The following CACNA2D3 variants were observed in gnomAD, a reference collection of about 807,000 sequenced individuals.
The protein encoded by CACNA2D3 is calcium voltage-gated channel auxiliary subunit alpha2delta 3.
CACNA2D3 carries 60 observed loss-of-function variants against 160.6 expected under a neutral mutation model. The ratio of observed to expected loss-of-function variants is 0.37; its 90% CI spans 0.30 to 0.46. CACNA2D3 has a LOEUF of 0.46. Ranked by LOEUF, CACNA2D3 falls within the 20% of genes least tolerant of loss-of-function variation. The pLI is 1.00. For missense variants in CACNA2D3, 1,205 were observed against 1,365.0 expected, an observed-to-expected ratio of 0.88 and a Z score of 1.85; for synonymous variants, 558 against 492.9, an observed-to-expected ratio of 1.13 and a Z score of -1.75.
intron 3 of CACNA2D3, among the ~76,000 whole-genome samples, chr3:54,347,879 C>T (rs2107530474): frequency 6.6e-6 from 1 of 152,204 alleles, no homozygotes. Flanking sequence ...AAGGCAGTAC[C>T]CTCCCATGGG....
chr3:54,736,038 TATATATACAC>T lies in CACNA2D3; in HGVS notation c.1168-16557_1168-16548del. 4.3e-5 allele frequency among the ~76,000 whole-genome samples: 2 copies of T among 46,290 alleles called. 1 individual carries two copies. The allele number at this position is 46,290 out of a possible 152,430, so 30.4% of individuals were successfully genotyped here. ...ATATACACATACATATATATATGTATATATATACACATACATATGTATGTATATATATATA... is the reference window on the plus strand; with the variant it reads ...ATATACACATACATATATATATGTATATACATATGTATGTATATATATATA... On this transcript the variant is annotated intron_variant, in intron 11 of 37. Transcript: ENST00000474759.
At chr3:54,974,180 A>G (rs755390562) in intron 29 of CACNA2D3, among the ~76,000 whole-genome samples, 5 of 152,248 alleles carry the variant, frequency 3.3e-5, no homozygotes, top group Admixed American at 1.3e-4. Context: ...CAATTGTAGC[A>G]TTAGGATACT....
At chr3:54,892,643 C>T (rs985320764) in intron 25 of CACNA2D3, among the ~76,000 whole-genome samples, 4 of 152,076 alleles carry the variant, frequency 2.6e-5, no homozygotes, top group South Asian at 2.1e-4. Context: ...TTCCAGAGGG[C>T]GAGTTCCTGG....
chr3:54,326,207 A>G lies in CACNA2D3; in HGVS notation c.321+5649A>G, dbSNP rs571859195. Among the ~76,000 whole-genome samples the G allele has an allele frequency of 3.9e-5, 6 of 152,320 alleles. No individual in the cohort carries two copies. In the South Asian group the frequency reaches 1.2e-3, roughly 32 times the overall value. The stretch of plus-strand genomic sequence containing the variant: ...GCAAGACATTTTTCCTAGGAAACGA[A>G]TATCAGTATTTGCATTTAATAAACA... On this transcript the variant is annotated intron_variant, in intron 3 of 37. Transcript: ENST00000474759.
At position 54,570,109 on chromosome 3, in the gene CACNA2D3, G is replaced by A. The variant is rs750989660; in HGVS notation, c.888+5G>A. The A allele has an allele frequency of 2.5e-6, 4 of 1,612,084 alleles. No individual in the cohort carries two copies. The African/African-American group carries it at 5.3e-5, about 22-fold the overall frequency. The stretch of plus-strand genomic sequence containing the variant: ...GACTTCTTCAACATAATTGCTGTGA[G>A]TGCACCGTTTTGTGCCTTCTTTGCA... On this transcript the variant is annotated splice_donor_5th_base_variant and intron_variant, in intron 8 of 37. Transcript: ENST00000474759.
chr3:54,381,629 C>T (rs969491824), intron 3 of CACNA2D3, among the ~76,000 whole-genome samples: 12 of 152,098 alleles, frequency 7.9e-5, no homozygotes, highest in African/African-American at 1.7e-4. Flanking sequence ...TTAAGTGTCG[C>T]GGGGAGGAAA....
intron 4 of CACNA2D3, among the ~76,000 whole-genome samples, chr3:54,418,995 G>T (rs1254855082): frequency 6.6e-6 from 1 of 152,172 alleles, no homozygotes; most frequent in Non-Finnish European, 1.5e-5. Context: ...CACACATCTG[G>T]CACTCAGTAA....
intron 35 of CACNA2D3, among the ~76,000 whole-genome samples, chr3:55,044,046 T>A (rs970632586): frequency 6.6e-6 from 1 of 152,206 alleles, no homozygotes; most frequent in African/African-American, 2.4e-5. Flanking sequence ...GCAAGAAGAA[T>A]CCTTTACTTT....
At chr3:54,127,061 T>A (rs1246004692) in intron 2 of CACNA2D3, among the ~76,000 whole-genome samples, 1 of 152,236 alleles carries the variant, frequency 6.6e-6, no homozygotes, top group Non-Finnish European at 1.5e-5. Context: ...ACTGGCTGAT[T>A]CTCATTTCAT....
At chr3:54,855,924 T>TC (rs1271264186) in intron 17 of CACNA2D3, among the ~76,000 whole-genome samples, 1 of 152,162 alleles carries the variant, frequency 6.6e-6, no homozygotes, top group Admixed American at 6.5e-5. Flanking sequence ...CTGTCACCCC[T>TC]CCTTTGTAAA....
chr3:54,520,924 T>C (rs1302686414), intron 5 of CACNA2D3, among the ~76,000 whole-genome samples: 4 of 152,254 alleles, frequency 2.6e-5, no homozygotes, highest in Admixed American at 6.5e-5. Context: ...TTTTTCCATT[T>C]GTACCATATA....
chr3:55,031,277 G>A (rs1228919456), intron 35 of CACNA2D3, among the ~76,000 whole-genome samples: 1 of 152,122 alleles, frequency 6.6e-6, no homozygotes. Flanking sequence ...CCCCCTTGCT[G>A]TGCCCAATAC....
At chr3:54,341,539 G>A (rs1201614044) in intron 3 of CACNA2D3, among the ~76,000 whole-genome samples, 1 of 152,182 alleles carries the variant, frequency 6.6e-6, no homozygotes, top group Non-Finnish European at 1.5e-5. Flanking sequence ...GGCATCTGGT[G>A]TACATAGGAT....
chr3:54,828,128 C>T (rs1703784253), intron 14 of CACNA2D3, among the ~76,000 whole-genome samples: 1 of 152,150 alleles, frequency 6.6e-6, no homozygotes, highest in Admixed American at 6.5e-5. Flanking sequence ...TTCAGGGGGT[C>T]TTTAAACAAG....
At chr3:54,767,925 A>T (rs1702252855) in intron 13 of CACNA2D3, among the ~76,000 whole-genome samples, 1 of 152,140 alleles carries the variant, frequency 6.6e-6, no homozygotes, top group Non-Finnish European at 1.5e-5. Flanking sequence ...CAAATCCCAA[A>T]CAGATGAACC....
chr3:54,133,544 C>T (rs982554638), intron 2 of CACNA2D3, among the ~76,000 whole-genome samples: 3 of 152,134 alleles, frequency 2.0e-5, no homozygotes, highest in Non-Finnish European at 2.9e-5. Flanking sequence ...AAATTGTCCC[C>T]GGTGGAATTC....
At chr3:54,271,435 T>G (rs1702620186) in intron 2 of CACNA2D3, among the ~76,000 whole-genome samples, 1 of 152,024 alleles carries the variant, frequency 6.6e-6, no homozygotes, top group African/African-American at 2.4e-5. Context: ...TCCCAACACT[T>G]GAAGGTCCCA....
chr3:54,339,639 A>T (rs1379424819), intron 3 of CACNA2D3, among the ~76,000 whole-genome samples: 1 of 152,202 alleles, frequency 6.6e-6, no homozygotes, highest in Non-Finnish European at 1.5e-5. Context: ...TGAGTGAACG[A>T]TCAGAAATTT....
intron 13 of CACNA2D3, among the ~76,000 whole-genome samples, chr3:54,811,716 G>T (rs888087652): frequency 6.6e-6 from 1 of 151,862 alleles, no homozygotes; most frequent in Admixed American, 6.6e-5. Flanking sequence ...GGCCATGCTG[G>T]TCTCGAACTC....
Sources: allele counts gnomAD v4.1 joint callset (sites outside exome capture counted in the v4.1 genomes callset), GRCh38; gene constraint gnomAD v4.1.1; transcripts MANE v1.5; gene names NCBI Gene and HGNC (gene_info 2026-07-23, HGNC 2026-07-21).